The following ZNF461 variants were observed in gnomAD, a reference collection of about 807,000 sequenced individuals.
The protein encoded by ZNF461 is gonadotropin-inducible ovarian transcription factor-1.
A neutral mutation model predicts 18.3 loss-of-function variants in ZNF461; 16 were observed. That is an observed-to-expected ratio of 0.88 (90% CI 0.59 to 1.33). The LOEUF is 1.33. Among genes scored for constraint, ZNF461 ranks in the 40% most tolerant of loss-of-function variants. The pLI, the probability that ZNF461 is intolerant of heterozygous loss-of-function variation, is 0.00. For synonymous variants in ZNF461, 179 were observed against 216.9 expected (o/e 0.83, Z 1.54); for missense variants, 595 against 669.9 (o/e 0.89, Z 1.23).
chr19:36,656,841 T>TG (rs1466661265), intron 3 of ZNF461, among the ~76,000 whole-genome samples: 2 of 151,182 alleles, frequency 1.3e-5, no homozygotes, highest in East Asian at 2.0e-4. Context: ...TTTTTTGAGA[T>TG]GGAGTTTTGC....
At chr19:36,640,428 C>A (rs1374038134) in intron 5 of ZNF461, among the ~76,000 whole-genome samples, 3 of 152,162 alleles carry the variant, frequency 2.0e-5, no homozygotes, top group Admixed American at 1.3e-4. Flanking sequence ...TCAGCTGTTG[C>A]CAAATATCTA....
chr19:36,656,512 G>A lies in ZNF461; in HGVS notation c.168C>T (p.Ser56=), dbSNP rs550420477. The A allele has an allele frequency of 7.4e-6, 12 of 1,614,058 alleles. No individual in the cohort carries two copies. In the East Asian group the frequency reaches 8.9e-5, roughly 12 times the overall value. Residue 56 remains serine, a synonymous_variant, in exon 4 of 6, where the codon TCC becomes TCT. Coordinates refer to ENST00000588268, the MANE Select transcript of ZNF461 (RefSeq NM_153257.5). ...AGGGCTCCTTCCCTTGCTCCAATGAGGAGATTACGGCTGGCTTAGAAACAG... is the reference window on the plus strand; with the variant it reads ...AGGGCTCCTTCCCTTGCTCCAATGAAGAGATTACGGCTGGCTTAGAAACAG... The part of the protein sequence containing the change: ...GLSVSKPAVI[S]SLEQGKEPWM...
chr19:36,666,095 G>GTTTT (rs111371703), intron 1 of ZNF461, among the ~76,000 whole-genome samples: 2 of 141,430 alleles, frequency 1.4e-5, no homozygotes, highest in Non-Finnish European at 1.5e-5. Context: ...ATGTTTTTTT[G>GTTTT]TTTTTTTTTT....
chr19:36,660,265 T>C (rs1568661169), intron 2 of ZNF461, among the ~76,000 whole-genome samples: 1 of 149,098 alleles, frequency 6.7e-6, no homozygotes, highest in Non-Finnish European at 1.5e-5. Flanking sequence ...TTCTCATGCC[T>C]CAGCCTCCCG....
intron 1 of ZNF461, among the ~76,000 whole-genome samples, chr19:36,666,157 C>A (rs568831853): frequency 2.6e-4 from 40 of 151,166 alleles, no homozygotes; most frequent in Non-Finnish European, 5.2e-4. Flanking sequence ...TGCAATGGCG[C>A]GATCTCGGCT....
In ZNF461 at chr19:36,639,354, A is replaced by T; in HGVS notation, c.991T>A (p.Cys331Ser). 6.2e-7 allele frequency: 1 copy of T among 1,614,082 alleles called. No homozygotes were observed. Among genetic ancestry groups the T allele is most frequent in the Non-Finnish European group, 8.5e-7 (1 of 1,179,994 alleles). Residue 331 changes from cysteine (C) to serine (S), a missense_variant, in exon 6 of 6, where the codon TGT becomes AGT. Physicochemically the swap from Cys to Ser is moderately radical, Grantham distance 112. Coordinates refer to ENST00000588268, the MANE Select transcript of ZNF461 (RefSeq NM_153257.5). ...RLHTGEKPYE[C>S]KQCGKAFIRG... ...ATAAAAGCCTTCCCACATTGCTTACATTCATAGGGTTTTTCACCAGTATGA... is the reference window on the plus strand; with the variant it reads ...ATAAAAGCCTTCCCACATTGCTTACTTTCATAGGGTTTTTCACCAGTATGA...
At position 36,637,722 on chromosome 19, in the gene ZNF461, A is replaced by G. The variant is rs370748461; in HGVS notation, c.*931T>C. The G allele has an allele frequency of 1.3e-4, 44 of 345,868 alleles. No individual in the cohort carries two copies. The East Asian group carries it at 2.9e-3, about 23-fold the overall frequency. 21.4% of individuals were successfully genotyped at this position (345,868 alleles called of 1,614,324 possible). A position where few individuals can be genotyped will look rare whatever the true frequency, so the allele number is the denominator to read the frequency against. On this transcript the variant is annotated 3_prime_UTR_variant, in exon 6 of 6. Coordinates refer to ENST00000588268, the MANE Select transcript of ZNF461 (RefSeq NM_153257.5). ...TGAAGTAGGCCAAATGTGGACTAAT[A>G]ATGAGAATGTGTAATAAATCACATA...
At chr19:36,648,957 A>G (rs1336548645) in intron 4 of ZNF461, among the ~76,000 whole-genome samples, 2 of 152,198 alleles carry the variant, frequency 1.3e-5, no homozygotes, top group Non-Finnish European at 2.9e-5. Flanking sequence ...TGGCCCCAGC[A>G]GCACAAGAAG....
rs970444079 is a variant in ZNF461 at position 36,637,955 on chromosome 19, T to A, written c.*698A>T. 6.9e-5 allele frequency: 22 copies of A among 319,478 alleles called. 1 individual carries two copies. The highest frequency in any genetic ancestry group is 5.6e-4 in the South Asian group (22 of 39,426). 19.8% of individuals were successfully genotyped at this position (319,478 alleles called of 1,614,324 possible). A position where few individuals can be genotyped will look rare whatever the true frequency, so the allele number is the denominator to read the frequency against. On this transcript the variant is annotated 3_prime_UTR_variant, in exon 6 of 6. Coordinates refer to ENST00000588268, the MANE Select transcript of ZNF461 (RefSeq NM_153257.5). Reference sequence around the variant, plus strand: ...TTTATTAAACAAAAAATTTAGAAGATTTTAAAAAATAAATGTAATGTCAAA... The same window carrying A: ...TTTATTAAACAAAAAATTTAGAAGAATTTAAAAAATAAATGTAATGTCAAA...
chr19:36,637,770 C>A lies in ZNF461; in HGVS notation c.*883G>T. 2.5e-6 allele frequency: 1 copy of A among 404,628 alleles called. No individual in the cohort carries two copies. Among genetic ancestry groups the A allele is most frequent in the South Asian group, 1.9e-5 (1 of 53,632 alleles). The allele number at this position is 404,628 out of a possible 1,614,324, so 25.1% of individuals were successfully genotyped here. ...ATATTATGAATAACCTACTTTTGTCCAAAGAATTTATGAAATTTACATGAA... is the reference window on the plus strand; with the variant it reads ...ATATTATGAATAACCTACTTTTGTCAAAAGAATTTATGAAATTTACATGAA... On this transcript the variant is annotated 3_prime_UTR_variant, in exon 6 of 6. Transcript: ENST00000588268.
chr19:36,639,927 T>G lies in ZNF461; in HGVS notation c.418A>C (p.Ile140Leu). The part of the protein sequence containing the change: ...EFKSHSPERS[I>L]FSAIWEGNCH... ...TTGCCTTCCCAGATAGCGCTGAAAA[T>G]TGATCTCTCAGGACTATGGCTTTTA... is the stretch of plus-strand genomic sequence containing the variant. The change falls in exon 6 of 6, where the codon ATT becomes CTT. Residue 140 changes from isoleucine to leucine, a missense_variant. Coordinates refer to ENST00000588268, the MANE Select transcript of ZNF461 (RefSeq NM_153257.5). 6.2e-7 allele frequency: 1 copy of G among 1,613,860 alleles called. No homozygotes were observed. The highest frequency in any genetic ancestry group is 8.5e-7 in the Non-Finnish European group (1 of 1,179,856).
chr19:36,643,800 T>C lies in ZNF461; in HGVS notation c.295A>G (p.Asn99Asp). 6.5e-7 allele frequency: 1 copy of C among 1,537,956 alleles called. No homozygotes were observed. The highest frequency in any genetic ancestry group is 8.8e-7 in the Non-Finnish European group (1 of 1,140,550). Reference sequence around the variant, plus strand: ...AAACTGTATTTATTTATACCTGCATTTATGTCTGTAGCCTCATTATTGTCC... The same window carrying C: ...AAACTGTATTTATTTATACCTGCATCTATGTCTGTAGCCTCATTATTGTCC... ...FLDNNEATDINADLASRDEPQ... is the reference protein window; with the variant it reads ...FLDNNEATDIDADLASRDEPQ... Residue 99 changes from asparagine (N) to aspartate (D), a missense_variant, in exon 5 of 6, where the codon AAT (asparagine) becomes GAT (aspartate). Transcript: ENST00000588268.
Position 36,639,727 on chromosome 19 carries a change from AAAT to A in ZNF461, c.615_617del (p.Leu205del). ...AATGAGTTCTTTTGTGGTGACTAAA[AAAT>A]AAATGGTAACTGAAGATTTTTCTAC... On this transcript the variant is annotated inframe_deletion, in exon 6 of 6. Transcript: ENST00000588268. 1 of 1,613,470 alleles carries A rather than the reference AAAT, an allele frequency of 6.2e-7. No homozygotes were observed. Among genetic ancestry groups the A allele is most frequent in the South Asian group, 1.1e-5 (1 of 91,024 alleles).
chr19:36,662,175 A>G (rs895992781), intron 2 of ZNF461, among the ~76,000 whole-genome samples: 8 of 150,148 alleles, frequency 5.3e-5, no homozygotes, highest in Non-Finnish European at 8.9e-5. Flanking sequence ...AGCTATTTCC[A>G]TGTATTTCTA....
chr19:36,661,202 T>G (rs1460040994), intron 2 of ZNF461, among the ~76,000 whole-genome samples: 1 of 151,580 alleles, frequency 6.6e-6, no homozygotes, highest in Non-Finnish European at 1.5e-5. Context: ...CACTTGAGCC[T>G]AGGAGTTCGA....
At chr19:36,652,512 A>AC (rs1342293410) in intron 4 of ZNF461, among the ~76,000 whole-genome samples, 1 of 151,322 alleles carries the variant, frequency 6.6e-6, no homozygotes, top group Non-Finnish European at 1.5e-5. Context: ...AAAAAAAAAA[A>AC]AACAAAAACT....
At chr19:36,663,516 ATTTT>A (rs753269882) in intron 2 of ZNF461, among the ~76,000 whole-genome samples, 3 of 129,860 alleles carry the variant, frequency 2.3e-5, no homozygotes, top group Admixed American at 8.1e-5. Context: ...TTATTATGTA[ATTTT>A]TTTTTTTTTT....
At chr19:36,663,497 G>A (rs1216074209) in intron 2 of ZNF461, among the ~76,000 whole-genome samples, 3 of 150,206 alleles carry the variant, frequency 2.0e-5, no homozygotes, top group Non-Finnish European at 4.4e-5. Flanking sequence ...TTGCTCTCTG[G>A]TCTTAACTTT....
chr19:36,651,269 A>C (rs1372610780), intron 4 of ZNF461, among the ~76,000 whole-genome samples: 1 of 151,740 alleles, frequency 6.6e-6, no homozygotes, highest in Non-Finnish European at 1.5e-5. Flanking sequence ...TCCTAGAGCT[A>C]ACATCATACA....
Sources: gnomAD v4.1 joint callset for allele counts (sites outside exome capture counted in the v4.1 genomes callset) on GRCh38, gnomAD v4.1.1 for gene constraint, MANE v1.5 for transcripts, NCBI Gene and HGNC (gene_info 2026-07-23, HGNC 2026-07-21) for gene names.